The following UNC13A variants were observed in gnomAD, a reference collection of about 807,000 sequenced individuals.
UNC13A encodes the protein unc-13 homolog A.
UNC13A carries 61 observed loss-of-function variants against 219.7 expected under a neutral mutation model. The observed-to-expected ratio is 0.28, with a 90% CI of 0.23 to 0.34. The LOEUF (loss-of-function observed/expected upper bound fraction) is 0.34, where lower values mean the gene tolerates loss of function less well. Ranked by LOEUF, UNC13A falls within the 10% of genes least tolerant of loss-of-function variation. UNC13A has a pLI of 1.00. For synonymous variants in UNC13A, 920 were observed against 884.6 expected (o/e 1.04, Z -0.71); for missense variants, 1,476 against 2,270.3 (o/e 0.65, Z 7.11).
At chr19:17,616,615 AAG>A (rs1043305533) in intron 41 of UNC13A, among the ~76,000 whole-genome samples, 11 of 152,028 alleles carry the variant, frequency 7.2e-5, no homozygotes, top group African/African-American at 2.4e-4. Flanking sequence ...GAGGAAAAAC[AAG>A]AGAGAGAGAA....
Position 17,686,298 on chromosome 19 carries a change from GCCCCCCC to G in UNC13A, c.22+1873_22+1879del, listed in dbSNP as rs533722538. Among the ~76,000 whole-genome samples the G allele has an allele frequency of 9.5e-4, 78 of 81,884 alleles. 1 individual carries two copies. The highest frequency in any genetic ancestry group is 6.2e-3 in the Middle Eastern group (1 of 162). 53.7% of individuals were successfully genotyped at this position (81,884 alleles called of 152,430 possible). On this transcript the variant is annotated intron_variant, in intron 1 of 43. Coordinates refer to ENST00000519716, the MANE Select transcript of UNC13A (RefSeq NM_001080421.3). ...CGTCAGAGTTAAGGGTGAGATCCCCGCCCCCCCCCCCCCCCCCCCACTCCACTAGGCA... is the reference window on the plus strand; with the variant it reads ...CGTCAGAGTTAAGGGTGAGATCCCCGCCCCCCCCCCCCACTCCACTAGGCA...
intron 9 of UNC13A, among the ~76,000 whole-genome samples, 186 bp downstream of exon 9, chr19:17,657,876 A>T (rs1397326747): frequency 7.0e-6 from 1 of 143,878 alleles, no homozygotes; most frequent in East Asian, 1.9e-4. Context: ...CTAAAAAAAA[A>T]AGAAAAGAAA....
At chr19:17,665,716 T>G (rs1189713653) in intron 7 of UNC13A, among the ~76,000 whole-genome samples, 1 of 152,214 alleles carries the variant, frequency 6.6e-6, no homozygotes, top group Non-Finnish European at 1.5e-5. Context: ...TCTGCCTGTG[T>G]CTGTCTGCAC....
At position 17,674,118 on chromosome 19, in the gene UNC13A, G is replaced by C. The variant is rs2079849749; in HGVS notation, c.152+539C>G. 6.6e-6 allele frequency among the ~76,000 whole-genome samples: 1 copy of C among 152,220 alleles called. No individual in the cohort carries two copies. The highest frequency in any genetic ancestry group is 1.5e-5 in the Non-Finnish European group (1 of 68,050). ...TCAGGGAGGGCTTCACTGAGGAGGT[G>C]ACACAAGCTGAGACCTGAAGGAGAA... is the stretch of plus-strand genomic sequence containing the variant. On this transcript the variant is annotated intron_variant, in intron 3 of 43. Transcript: ENST00000519716. This position sits in a 1 kb window ranked among gnomAD's most constrained non-coding sequence, Gnocchi z 5.0.
chr19:17,677,098 T>C (rs2079913159), intron 1 of UNC13A, among the ~76,000 whole-genome samples: 1 of 152,124 alleles, frequency 6.6e-6, no homozygotes, highest in Admixed American at 6.6e-5. Context: ...CACCTGCTTG[T>C]GGGAGGTGTA....
chr19:17,680,884 C>CTTTTTTTTTTT (rs2079997096), intron 1 of UNC13A, among the ~76,000 whole-genome samples: 1 of 69,546 alleles, frequency 1.4e-5, no homozygotes, highest in African/African-American at 5.9e-5. Context: ...TTTTTCTTTT[C>CTTTTTTTTTTT]TTTTCTTTTT....
At chr19:17,618,876 C>T in intron 39 of UNC13A, 30 bp downstream of exon 39, 1 of 1,613,414 alleles carries the variant, frequency 6.2e-7, no homozygotes, top group Non-Finnish European at 8.5e-7. Flanking sequence ...GGGGCAGTCC[C>T]TCACGCCATA....
chr19:17,626,722 G>A lies in UNC13A; in HGVS notation c.3984C>T (p.Gly1328=). 6.2e-7 allele frequency: 1 copy of A among 1,610,040 alleles called. No individual in the cohort carries two copies. The highest frequency in any genetic ancestry group is 8.5e-7 in the Non-Finnish European group (1 of 1,178,448). Residue 1328 remains glycine (G), a synonymous_variant, in exon 34 of 44, where the codon GGC becomes GGT. Transcript: ENST00000519716. ...AGGCACTGGCTGGCACATTGCCTGT[G>A]CCCTTAACCTGGCTAAGGATGTCAC... ...QMGDILSQVK[G]TGNVPASACS...
Position 17,654,017 on chromosome 19 carries a change from C to T in UNC13A, c.1392+1257G>A, listed in dbSNP as rs113204191. On this transcript the variant is annotated intron_variant, in intron 11 of 43. Coordinates refer to ENST00000519716, the MANE Select transcript of UNC13A (RefSeq NM_001080421.3). ...AATTTTTTTGTACTTTCACTAGAGA[C>T]GGGGTTTCACCATGTTAGCCAGGAT... Among the ~76,000 whole-genome samples, 100 of 150,996 alleles carry T rather than the reference C, an allele frequency of 6.6e-4. 1 individual carries two copies. The highest frequency in any genetic ancestry group is 2.4e-3 in the African/African-American group (99 of 41,106).
chr19:17,660,056 C>A, intron 8 of UNC13A, among the ~76,000 whole-genome samples: 1 of 152,076 alleles, frequency 6.6e-6, no homozygotes, highest in Non-Finnish European at 1.5e-5. Context: ...CCACCACACC[C>A]AGCTAATTTT....
At chr19:17,673,571 T>C (rs1447544087) in intron 3 of UNC13A, among the ~76,000 whole-genome samples, 1 of 150,366 alleles carries the variant, frequency 6.7e-6, no homozygotes, top group Non-Finnish European at 1.5e-5. Context: ...CACGCACATG[T>C]AGTCCCAGCT....
chr19:17,627,938 G>C lies in UNC13A; in HGVS notation c.3756C>G (p.Pro1252=). Residue 1252 remains proline (P), a splice_region_variant and synonymous_variant, in exon 32 of 44, where the codon CCC becomes CCG. Coordinates refer to ENST00000519716, the MANE Select transcript of UNC13A (RefSeq NM_001080421.3). This position sits in a 1 kb window ranked among gnomAD's most constrained non-coding sequence, Gnocchi z 4.7. ...SYCSKEKEKV[P]CILMNNTQQL... is the part of the protein sequence containing the mutation. ...GTTGAGTGTTATTCATGAGAATGCA[G>C]GGCTGTGGGTGGGAACAGAGAGGGG... 1 of 1,591,828 alleles carries C rather than the reference G, an allele frequency of 6.3e-7. No homozygotes were observed. The highest frequency in any genetic ancestry group is 8.6e-7 in the Non-Finnish European group (1 of 1,167,242).
chr19:17,669,206 T>C (rs1336973068), intron 5 of UNC13A, among the ~76,000 whole-genome samples: 1 of 152,168 alleles, frequency 6.6e-6, no homozygotes, highest in Non-Finnish European at 1.5e-5. Context: ...CTGTCTCTCT[T>C]TGTCTCTCTG....
intron 1 of UNC13A, among the ~76,000 whole-genome samples, chr19:17,679,015 T>C (rs1168200879): frequency 2.0e-5 from 3 of 152,038 alleles, no homozygotes; most frequent in Admixed American, 6.5e-5. Flanking sequence ...TCCCAGCTAC[T>C]AGGAAGGCTA....
chr19:17,645,634 G>A, intron 19 of UNC13A, 40 bp downstream of exon 19: 3 of 1,610,848 alleles, frequency 1.9e-6, no homozygotes, highest in Non-Finnish European at 2.5e-6. Flanking sequence ...TGGATCCCTG[G>A]GACCCGTCCC....
At chr19:17,664,306 C>T (rs1454662007) in intron 7 of UNC13A, among the ~76,000 whole-genome samples, 1 of 152,202 alleles carries the variant, frequency 6.6e-6, no homozygotes, top group Non-Finnish European at 1.5e-5. Context: ...TATCATTCTA[C>T]TCATTTTATG....
At chr19:17,639,997 C>A in intron 22 of UNC13A, 89 bp from the exon 23 acceptor site, 1 of 1,236,834 alleles carries the variant, frequency 8.1e-7, no homozygotes. Context: ...AAGTATACCT[C>A]ATCCACCACC....
intron 41 of UNC13A, chr19:17,616,360 G>C (rs2076662825): frequency 1.5e-6 from 1 of 685,610 alleles, no homozygotes. Context: ...AGGGGCGCAG[G>C]CACCGGGCAC....
intron 4 of UNC13A, among the ~76,000 whole-genome samples, chr19:17,671,048 C>A (rs2079778776): frequency 6.6e-6 from 1 of 152,248 alleles, no homozygotes; most frequent in African/African-American, 2.4e-5. Context: ...CCCCAAGAGG[C>A]CCAGCCATCA....
Sources: allele counts gnomAD v4.1 joint callset (sites outside exome capture counted in the v4.1 genomes callset), GRCh38; gene constraint gnomAD v4.1.1; non-coding constraint Gnocchi (gnomAD v3.1); transcripts MANE v1.5; gene names NCBI Gene and HGNC (gene_info 2026-07-23, HGNC 2026-07-21).